Variants in RBFOX2 observed in about 807,000 individuals in gnomAD.
RBFOX2 encodes RNA binding fox-1 homolog 2, also known as RNA binding protein fox-1 homolog 2.
Under a neutral mutation model 49.1 loss-of-function variants are expected in RBFOX2, and 10 were observed. That is an observed-to-expected ratio of 0.20 (90% CI 0.13 to 0.35). The LOEUF is 0.35. Among genes scored for constraint, RBFOX2 ranks in the 10% least tolerant of loss-of-function variants. The pLI, the probability that RBFOX2 is intolerant of heterozygous loss-of-function variation, is 1.00. For missense variants in RBFOX2, 323 were observed against 486.9 expected (o/e 0.66, Z 3.17); for synonymous variants, 183 against 187.4 (o/e 0.98, Z 0.19).
rs570893422 is a variant in RBFOX2, at chr22:35,779,194, T to C, written c.400-1116A>G. Among the ~76,000 whole-genome samples the C allele has an allele frequency of 1.6e-4, 24 of 152,294 alleles. No homozygotes were observed. In the South Asian group the frequency reaches 4.8e-3, roughly 30 times the overall value. ...AATGATTATTTAGGGGGAAAGTATATATAAAAAGAGACAAAACTGTTTTAA... is the reference window on the plus strand; with the variant it reads ...AATGATTATTTAGGGGGAAAGTATACATAAAAAGAGACAAAACTGTTTTAA... On this transcript the variant is annotated intron_variant, in intron 3 of 11. Transcript: ENST00000405409.
intron 1 of RBFOX2, among the ~76,000 whole-genome samples, chr22:36,024,898 C>T (rs1216974540): frequency 1.3e-5 from 2 of 151,986 alleles, no homozygotes; most frequent in African/African-American, 4.8e-5. Flanking sequence ...ACCTCCGCCT[C>T]CCGAGTTCAA....
intron 1 of RBFOX2, chr22:35,961,447 A>G: frequency 8.7e-7 from 1 of 1,152,246 alleles, no homozygotes; most frequent in Middle Eastern, 2.4e-4. Flanking sequence ...GCTCAGCACA[A>G]TTCCACACGA....
chr22:35,980,026 T>C (rs925899267), intron 1 of RBFOX2, among the ~76,000 whole-genome samples: 2 of 152,208 alleles, frequency 1.3e-5, no homozygotes, highest in African/African-American at 4.8e-5. Context: ...CCTTTACTTA[T>C]AAACTAGTAA....
chr22:35,876,701 AACACACAC>A (rs142455818), intron 1 of RBFOX2, among the ~76,000 whole-genome samples: 97 of 140,552 alleles, frequency 6.9e-4, no homozygotes, highest in Non-Finnish European at 1.1e-3. Flanking sequence ...CATTAAAAGA[AACACACAC>A]ACACACACAC....
At chr22:35,883,210 T>C (rs1008849269) in intron 1 of RBFOX2, among the ~76,000 whole-genome samples, 2 of 152,208 alleles carry the variant, frequency 1.3e-5, no homozygotes, top group African/African-American at 4.8e-5. Flanking sequence ...GCCAGCAGAA[T>C]GCTAGGGGTG....
intron 4 of RBFOX2, among the ~76,000 whole-genome samples, chr22:35,775,882 A>C (rs1259467715): frequency 6.6e-6 from 1 of 150,818 alleles, no homozygotes; most frequent in East Asian, 1.9e-4. Context: ...GAAAAGAAAA[A>C]GAATTGGTAG....
At chr22:35,961,539 C>T (rs575104769) in intron 1 of RBFOX2, 15 of 1,304,004 alleles carry the variant, frequency 1.2e-5, no homozygotes, top group Admixed American at 9.2e-5. Flanking sequence ...CCACCACCCC[C>T]CACACACCCA....
intron 1 of RBFOX2, among the ~76,000 whole-genome samples, chr22:35,971,015 C>G (rs1022952329): frequency 1.3e-5 from 2 of 151,904 alleles, no homozygotes; most frequent in Admixed American, 1.3e-4. Flanking sequence ...AAAATATATC[C>G]CTGGTGGAAT....
rs1416131840 is a variant in RBFOX2, at chr22:35,759,450, AG to A, written c.887+437del. On this transcript the variant is annotated intron_variant, in intron 9 of 11. Transcript: ENST00000405409. The surrounding 1 kb of genome is among the most constrained non-coding windows in gnomAD (Gnocchi z 4.6). ...CACCCAGGCAGTGAAACCAAAGGGG[AG>A]GACACATGTGACAGCCTCTGCCCCA... 6.6e-6 allele frequency among the ~76,000 whole-genome samples: 1 copy of A among 152,206 alleles called. No homozygotes were observed. Among genetic ancestry groups the A allele is most frequent in the Non-Finnish European group, 1.5e-5 (1 of 68,036 alleles).
intron 9 of RBFOX2, among the ~76,000 whole-genome samples, chr22:35,756,879 AAATACCCAC>A (rs1259871596): frequency 6.6e-6 from 1 of 152,012 alleles, no homozygotes; most frequent in Non-Finnish European, 1.5e-5. Context: ...ACACAACCAA[AAATACCCAC>A]AATGCATTGC....
chr22:36,028,634 C>A (rs1290667124), exon 1 of RBFOX2, among the ~76,000 whole-genome samples: 1 of 150,186 alleles, frequency 6.7e-6, no homozygotes, highest in African/African-American at 2.4e-5. Flanking sequence ...CCCGCCCGCC[C>A]GCCGGGTTGT....
intron 1 of RBFOX2, among the ~76,000 whole-genome samples, chr22:35,882,444 A>G (rs1289107182): frequency 6.6e-6 from 1 of 152,248 alleles, no homozygotes; most frequent in East Asian, 1.9e-4. Context: ...ATAATCAAAT[A>G]TAAACAACGC....
rs1055450126 is a variant in RBFOX2, at chr22:35,786,541, C to T, written c.253-4795G>A. The stretch of plus-strand genomic sequence containing the variant: ...AAGATACCAGAAGCACCCTGGGGGG[C>T]CCCCACCAGTCACGGTTCCCCTGGC... On this transcript the variant is annotated intron_variant, in intron 2 of 11. Coordinates refer to ENST00000405409, the Ensembl canonical transcript of RBFOX2. Among the ~76,000 whole-genome samples the T allele has an allele frequency of 3.3e-5, 5 of 152,284 alleles. No homozygotes were observed. In the East Asian group the frequency reaches 7.7e-4, roughly 24 times the overall value.
intron 1 of RBFOX2, among the ~76,000 whole-genome samples, chr22:35,984,130 T>C (rs2057592191): frequency 6.6e-6 from 1 of 152,256 alleles, no homozygotes; most frequent in South Asian, 2.1e-4. Context: ...CCTTCCCTTG[T>C]TTGTGTCCCC....
intron 1 of RBFOX2, among the ~76,000 whole-genome samples, chr22:35,823,942 G>A (rs1955081071): frequency 6.6e-6 from 1 of 152,110 alleles, no homozygotes; most frequent in Admixed American, 6.6e-5. Flanking sequence ...GAGGTCAGGA[G>A]ATCAAGACCA....
intron 2 of RBFOX2, among the ~76,000 whole-genome samples, chr22:35,806,828 G>A (rs915401666): frequency 3.3e-5 from 5 of 152,110 alleles, no homozygotes; most frequent in Non-Finnish European, 7.4e-5. Context: ...AGTGGGGGAC[G>A]GAGTCTCACT....
chr22:35,840,615 C>G (rs1337507668), upstream of RBFOX2: 1 of 1,081,558 alleles, frequency 9.2e-7, no homozygotes, highest in Non-Finnish European at 1.1e-6. Context: ...TGTGCGCACG[C>G]GTGTGTGCGT....
chr22:35,781,802 G>A, intron 2 of RBFOX2, 56 bp from the exon 4 acceptor site: 2 of 1,607,182 alleles, frequency 1.2e-6, no homozygotes, highest in Non-Finnish European at 1.7e-6. Context: ...AATAATTAAA[G>A]TTATCCCCCC....
At chr22:36,007,707 TTG>T (rs1198452533) in intron 1 of RBFOX2, among the ~76,000 whole-genome samples, 1 of 152,178 alleles carries the variant, frequency 6.6e-6, no homozygotes, top group East Asian at 1.9e-4. Flanking sequence ...CTGGGGAGTC[TTG>T]TGTTTCCTGG....
Sources: gnomAD v4.1 joint callset for allele counts (sites outside exome capture counted in the v4.1 genomes callset) on GRCh38, gnomAD v4.1.1 for gene constraint, Gnocchi (gnomAD v3.1) non-coding constraint, MANE v1.5 for transcripts, NCBI Gene and HGNC (gene_info 2026-07-23, HGNC 2026-07-21) for gene names.